Variants in AXIN1 observed in about 807,000 individuals in gnomAD.
AXIN1 encodes axin-1.
In AXIN1, 30 loss-of-function variants were observed where a neutral mutation model predicts 76.4. The observed-to-expected ratio is 0.39, with a 90% CI of 0.29 to 0.53. The LOEUF is 0.53. AXIN1 is among the 20% of genes least tolerant of loss of function. AXIN1 has a pLI of 0.66. For missense variants in AXIN1, 1,140 were observed against 1,198.8 expected (o/e 0.95, Z 0.72); for synonymous variants, 545 against 501.4 (o/e 1.09, Z -1.16).
At chr16:343,518 G>A (rs1040740085) in intron 2 of AXIN1, among the ~76,000 whole-genome samples, 48 of 151,900 alleles carry the variant, frequency 3.2e-4, no homozygotes, top group African/African-American at 8.9e-4. Context: ...ACTGGCCAAC[G>A]TGGTAAAACC....
chr16:305,327 A>C (rs929468631), intron 4 of AXIN1, among the ~76,000 whole-genome samples: 1 of 152,102 alleles, frequency 6.6e-6, no homozygotes, highest in Non-Finnish European at 1.5e-5. Flanking sequence ...TTTTTTAATT[A>C]GCCGGGTGTG....
intron 2 of AXIN1, among the ~76,000 whole-genome samples, chr16:341,854 ACT>A (rs2053930218): frequency 3.9e-5 from 6 of 152,086 alleles, no homozygotes; most frequent in Admixed American, 3.9e-4. Context: ...ACCAATCGAC[ACT>A]CTGTATCTAG....
chr16:344,351 A>G (rs1369282961), intron 2 of AXIN1, among the ~76,000 whole-genome samples: 1 of 146,720 alleles, frequency 6.8e-6, no homozygotes, highest in Non-Finnish European at 1.5e-5. Flanking sequence ...AACGGCGTGA[A>G]CCTGGGAGGC....
chr16:309,296 A>G (rs530884074), intron 4 of AXIN1, among the ~76,000 whole-genome samples: 20 of 149,834 alleles, frequency 1.3e-4, no homozygotes, highest in Non-Finnish European at 2.5e-4. Context: ...CCTATCTCAA[A>G]AAAAAAAAAA....
In AXIN1 at chr16:302,051, A is replaced by G. The variant is rs533860862; in HGVS notation, c.1254+2253T>C. ...CAGTAAGGCTCCCAGGCAGGCCCCA[A>G]TGCCGCTGGCCTCAGGTGCGCACAG... is the stretch of plus-strand genomic sequence containing the variant. On this transcript the variant is annotated intron_variant, in intron 5 of 10. Transcript: ENST00000262320. Among the ~76,000 whole-genome samples the G allele has an allele frequency of 4.6e-5, 7 of 152,296 alleles. No homozygotes were observed. In the South Asian group the frequency reaches 1.2e-3, roughly 27 times the overall value.
Position 311,011 on chromosome 16 carries a change from A to G in AXIN1, c.1020-942T>C, listed in dbSNP as rs998540706. Among the ~76,000 whole-genome samples the G allele has an allele frequency of 2.0e-5, 3 of 152,210 alleles. No individual in the cohort carries two copies. In the South Asian group the frequency reaches 6.2e-4, roughly 32 times the overall value. On this transcript the variant is annotated intron_variant, in intron 3 of 10. Transcript: ENST00000262320. ...GTGGTCTCTGAGGGAGGCACAAGGTAGCTCTTTAGCAACAGGTTTTCTTTT... is the reference window on the plus strand; with the variant it reads ...GTGGTCTCTGAGGGAGGCACAAGGTGGCTCTTTAGCAACAGGTTTTCTTTT...
In AXIN1 at chr16:302,159, C is replaced by T. The variant is rs1443402322; in HGVS notation, c.1254+2145G>A. On this transcript the variant is annotated intron_variant, in intron 5 of 10. Coordinates refer to ENST00000262320, the MANE Select transcript of AXIN1 (RefSeq NM_003502.4). ...CTGCAAGGCGAGGCCTCACTCTCAC[C>T]GCCACAGGGACCACGCGGCACTGAT... Among the ~76,000 whole-genome samples, 6 of 152,362 alleles carry T rather than the reference C, an allele frequency of 3.9e-5. No individual in the cohort carries two copies. In the East Asian group the frequency reaches 5.8e-4, roughly 15 times the overall value.
In AXIN1 at chr16:298,161, G is replaced by A. The variant is rs531887973; in HGVS notation, c.1345C>T (p.Pro449Ser). The A allele has an allele frequency of 9.7e-6, 15 of 1,543,198 alleles. No homozygotes were observed. Among genetic ancestry groups the A allele is most frequent in the African/African-American group, 6.8e-5 (5 of 73,238 alleles). ...GCACAGCCCATGTCCACACAGCGGG[G>A]CGGGAAGTGGTGCCAAGCGGGGGCG... Reference protein sequence around the residue: ...PPAPAWHHFPPRCVDMGCAGL... With the variant: ...PPAPAWHHFPSRCVDMGCAGL... The change falls in exon 6 of 11, where the codon CCC (proline) becomes TCC (serine). Residue 449 changes from proline (P) to serine (S), a missense_variant. By Grantham distance (74) the Pro-to-Ser change is moderately conservative (BLOSUM62 -1). This residue lies in a region of AXIN1 where 708 missense variants were observed against 776.9 expected (regional missense o/e 0.91). Coordinates refer to ENST00000262320, the MANE Select transcript of AXIN1 (RefSeq NM_003502.4).
chr16:324,162 C>G (rs1437646405), intron 2 of AXIN1, among the ~76,000 whole-genome samples: 1 of 141,414 alleles, frequency 7.1e-6, no homozygotes, highest in Non-Finnish European at 1.5e-5. Context: ...AGGGGCAGAT[C>G]TGGGGCCAAG....
chr16:305,039 C>T (rs2052981624), intron 4 of AXIN1, among the ~76,000 whole-genome samples: 1 of 152,224 alleles, frequency 6.6e-6, no homozygotes, highest in African/African-American at 2.4e-5. Flanking sequence ...CCGGCGCTCC[C>T]CACCCACTTC....
chr16:350,394 G>GCTA (rs111762346), intron 1 of AXIN1, among the ~76,000 whole-genome samples: 455 of 152,304 alleles, frequency 3.0e-3, no homozygotes, highest in African/African-American at 0.01. Context: ...ACAGCCTGTA[G>GCTA]CTACCATCAA....
At position 297,978 on chromosome 16, in the gene AXIN1, C is replaced by T. The variant is rs771101523; in HGVS notation, c.1528G>A (p.Ala510Thr). 24 of 1,600,726 alleles carry T rather than the reference C, an allele frequency of 1.5e-5. No homozygotes were observed. The highest frequency in any genetic ancestry group is 4.0e-5 in the African/African-American group (3 of 74,826). ...AKMPVALGGA[A>T]SGHGKHVPKS... ...GGTACGTGCTTCCCGTGCCCCGAGGCGGCACCCCCCAGTGCCACTGGCATC... is the reference window on the plus strand; with the variant it reads ...GGTACGTGCTTCCCGTGCCCCGAGGTGGCACCCCCCAGTGCCACTGGCATC... Residue 510 changes from alanine (A) to threonine (T), a missense_variant, in exon 6 of 11, where the codon GCC becomes ACC. Physicochemically the swap from Ala to Thr is moderately conservative, Grantham distance 58. This residue lies in a region of AXIN1 where 708 missense variants were observed against 776.9 expected (regional missense o/e 0.91). Coordinates refer to ENST00000262320, the MANE Select transcript of AXIN1 (RefSeq NM_003502.4).
At chr16:300,233 C>A (rs1410241925) in intron 5 of AXIN1, among the ~76,000 whole-genome samples, 1 of 152,158 alleles carries the variant, frequency 6.6e-6, no homozygotes. Flanking sequence ...TGAGCCACCA[C>A]ACCTAATCGC....
At chr16:311,832 C>T (rs1037796967) in intron 3 of AXIN1, among the ~76,000 whole-genome samples, 2 of 152,134 alleles carry the variant, frequency 1.3e-5, no homozygotes, top group Admixed American at 6.5e-5. Context: ...TCCAGGGATC[C>T]GTGCCGCACC....
chr16:317,175 G>C (rs1197517028), intron 2 of AXIN1, among the ~76,000 whole-genome samples: 1 of 152,160 alleles, frequency 6.6e-6, no homozygotes, highest in Non-Finnish European at 1.5e-5. Context: ...AGATGGGAGG[G>C]GGGCAGGCAG....
At chr16:291,096 T>C in intron 9 of AXIN1, 94 bp downstream of exon 9, 1 of 1,243,626 alleles carries the variant, frequency 8.0e-7, no homozygotes. Context: ...GTACCCGAGC[T>C]CAAGCCCCGG....
At chr16:326,394 T>TATATACACATATATATATATATACACAC (rs144093618) in intron 2 of AXIN1, among the ~76,000 whole-genome samples, 3 of 119,658 alleles carry the variant, frequency 2.5e-5, no homozygotes, top group Admixed American at 8.2e-5. Flanking sequence ...TATATATATA[T>TATATACACATATATATATATATACACAC]ACACACCTAT....
At chr16:314,825 AG>A in intron 2 of AXIN1, 142 bp from the exon 3 acceptor site, 2 of 1,236,898 alleles carry the variant, frequency 1.6e-6, no homozygotes, top group Non-Finnish European at 2.3e-6. Context: ...CATGGAGAAA[AG>A]ACCAACATCT....
At chr16:298,752 C>G (rs1407122289) in intron 5 of AXIN1, among the ~76,000 whole-genome samples, 1 of 151,320 alleles carries the variant, frequency 6.6e-6, no homozygotes, top group African/African-American at 2.4e-5. Flanking sequence ...CTCAAGCAAT[C>G]TGCCTGCCTT....
Sources: gnomAD v4.1 joint callset for allele counts (sites outside exome capture counted in the v4.1 genomes callset) on GRCh38, gnomAD v4.1.1 for gene constraint, gnomAD v4.1.1 regional missense constraint, MANE v1.5 for transcripts, NCBI Gene and HGNC (gene_info 2026-07-23, HGNC 2026-07-21) for gene names.